RPTOR: variants seen among roughly 807,000 people sequenced by gnomAD.
RPTOR encodes regulatory-associated protein of mTOR.
In RPTOR, 21 loss-of-function variants were observed where a neutral mutation model predicts 169.9. The observed-to-expected ratio is 0.12, with a 90% CI of 0.09 to 0.18. The LOEUF is 0.18. Among genes scored for constraint, RPTOR ranks in the 10% least tolerant of loss-of-function variants. RPTOR has a pLI of 1.00. For missense variants in RPTOR, 1,133 were observed against 1,855.9 expected (o/e 0.61, Z 7.16); for synonymous variants, 732 against 753.2 (o/e 0.97, Z 0.46).
chr17:80,661,856 C>G (rs9913012), intron 3 of RPTOR, among the ~76,000 whole-genome samples: 4,853 of 152,140 alleles, frequency 0.032, 259 homozygotes, highest in African/African-American at 0.11. Flanking sequence ...GGCATTTGGA[C>G]CCTGCACCGC....
At chr17:80,669,947 T>C (rs1341889861) in intron 3 of RPTOR, among the ~76,000 whole-genome samples, 3 of 152,264 alleles carry the variant, frequency 2.0e-5, no homozygotes, top group Admixed American at 2.0e-4. Context: ...AAATTGTGTA[T>C]TTGAGACAGT....
chr17:80,757,824 C>T (rs991502000), intron 6 of RPTOR, among the ~76,000 whole-genome samples: 2 of 152,132 alleles, frequency 1.3e-5, no homozygotes, highest in African/African-American at 4.8e-5. Context: ...CCACGGCCTC[C>T]TATGCGCCCC....
At chr17:80,546,408 G>T (rs550198346) in intron 1 of RPTOR, among the ~76,000 whole-genome samples, 11 of 152,134 alleles carry the variant, frequency 7.2e-5, no homozygotes, top group Non-Finnish European at 1.5e-4. Context: ...GGTATGAGGC[G>T]TCGAGACTTG....
chr17:80,900,486 T>C (rs564247616), intron 20 of RPTOR, among the ~76,000 whole-genome samples: 3 of 152,234 alleles, frequency 2.0e-5, no homozygotes, highest in Non-Finnish European at 4.4e-5. Flanking sequence ...CTGGCTAATT[T>C]TGTACTTTTA....
intron 10 of RPTOR, 38 bp downstream of exon 10, chr17:80,838,035 G>A (rs758925525): frequency 6.4e-7 from 1 of 1,553,628 alleles, no homozygotes. Context: ...ATCCGCGGCG[G>A]CAGCCACTTC....
At position 80,947,445 on chromosome 17, in the gene RPTOR, T is replaced by C; in HGVS notation, c.3265+94T>C. 7.1e-7 allele frequency: 1 copy of C among 1,405,168 alleles called. No homozygotes were observed. The highest frequency in any genetic ancestry group is 9.3e-7 in the Non-Finnish European group (1 of 1,073,986). 87.0% of individuals were successfully genotyped at this position (1,405,168 alleles called of 1,614,324 possible). ...CCTGAGATGTGTTTGTACATCTGTC[T>C]TACAGAAAGCCCTGCTCACACGCGA... On this transcript the variant is annotated intron_variant, in intron 27 of 33. Transcript: ENST00000306801. The surrounding 1 kb of genome is among the most constrained non-coding windows in gnomAD (Gnocchi z 4.4).
chr17:80,733,003 G>A (rs1440670992), intron 5 of RPTOR, among the ~76,000 whole-genome samples: 3 of 152,172 alleles, frequency 2.0e-5, no homozygotes, highest in African/African-American at 7.2e-5. Flanking sequence ...GCAAGAAAAT[G>A]GTTATTTGGA....
intron 3 of RPTOR, among the ~76,000 whole-genome samples, chr17:80,665,366 TCC>T (rs2065758388): frequency 3.3e-4 from 2 of 6,146 alleles, no homozygotes; most frequent in Admixed American, 2.1e-3. Flanking sequence ...TCCTTTCCTT[TCC>T]TTTCCTTTCC....
intron 1 of RPTOR, among the ~76,000 whole-genome samples, chr17:80,613,544 C>T (rs1034209844): frequency 1.3e-5 from 2 of 152,244 alleles, no homozygotes; most frequent in Non-Finnish European, 2.9e-5. Context: ...CAAGAACTAA[C>T]AGGACACAGG....
At chr17:80,955,412 T>C (rs940289560) in intron 28 of RPTOR, among the ~76,000 whole-genome samples, 6 of 152,190 alleles carry the variant, frequency 3.9e-5, no homozygotes, top group African/African-American at 1.2e-4. Flanking sequence ...CCTCACACCA[T>C]GCACAAAACA....
intron 5 of RPTOR, among the ~76,000 whole-genome samples, chr17:80,753,526 G>A (rs112714397): frequency 0.053 from 7,962 of 150,922 alleles, 265 homozygotes; most frequent in Non-Finnish European, 0.079. Flanking sequence ...CCAGCTACTC[G>A]GGAGGCTGAG....
At chr17:80,863,505 T>C (rs907060516) in intron 13 of RPTOR, among the ~76,000 whole-genome samples, 2 of 152,156 alleles carry the variant, frequency 1.3e-5, no homozygotes, top group South Asian at 4.1e-4. Context: ...AAAAGTTAAA[T>C]TGAGACACGG....
At chr17:80,716,834 C>T (rs780229573) in intron 4 of RPTOR, among the ~76,000 whole-genome samples, 18 of 152,036 alleles carry the variant, frequency 1.2e-4, no homozygotes, top group Admixed American at 2.0e-4. Context: ...GTGTCTTTTC[C>T]CCACTTTATG....
At chr17:80,743,925 AGAGCC>A (rs1567887761) in intron 5 of RPTOR, among the ~76,000 whole-genome samples, 3 of 70,584 alleles carry the variant, frequency 4.3e-5, no homozygotes, top group African/African-American at 7.0e-5. Context: ...GGTTACTAGC[AGAGCC>A]CTGGTTACTA....
chr17:80,937,014 C>G (rs991762552), intron 24 of RPTOR, among the ~76,000 whole-genome samples: 4 of 152,246 alleles, frequency 2.6e-5, no homozygotes, highest in Non-Finnish European at 5.9e-5. Flanking sequence ...TCTGCTGCCT[C>G]TGTCCACGGA....
At chr17:80,963,449 C>G (rs71370203) in intron 33 of RPTOR, among the ~76,000 whole-genome samples, 9,507 of 25,966 alleles carry the variant, frequency 0.37, 1,666 homozygotes, top group East Asian at 0.53. Context: ...CCCGTCCCCT[C>G]TGCGGCCCTC....
At chr17:80,815,701 G>A (rs761929599) in intron 7 of RPTOR, among the ~76,000 whole-genome samples, 6 of 152,234 alleles carry the variant, frequency 3.9e-5, no homozygotes, top group Admixed American at 6.5e-5. Context: ...GAACAATGGC[G>A]GGTAATAAAA....
At chr17:80,665,963 C>T (rs541144103) in intron 3 of RPTOR, among the ~76,000 whole-genome samples, 5 of 152,300 alleles carry the variant, frequency 3.3e-5, no homozygotes, top group South Asian at 2.1e-4. Flanking sequence ...GTATCTCTCC[C>T]TCCCATCTGC....
In RPTOR at chr17:80,545,663, G is replaced by T. The variant is rs1228533870; in HGVS notation, c.34G>T (p.Gly12Cys). 1 of 1,613,294 alleles carries T rather than the reference G, an allele frequency of 6.2e-7. No individual in the cohort carries two copies. Among genetic ancestry groups the T allele is most frequent in the Non-Finnish European group, 8.5e-7 (1 of 1,179,642 alleles). The change falls in exon 1 of 34, where the codon GGC (glycine) becomes TGC (cysteine). Residue 12 changes from glycine (G) to cysteine (C), a missense_variant. Physicochemically the swap from Gly to Cys is radical, Grantham distance 159. Coordinates refer to ENST00000306801, the MANE Select transcript of RPTOR (RefSeq NM_020761.3). ...CGAAATGCTGCAATCGCCTCTTCTGGGCCTGGGGGAGGAAGATGAGGCTGA... is the reference window on the plus strand; with the variant it reads ...CGAAATGCTGCAATCGCCTCTTCTGTGCCTGGGGGAGGAAGATGAGGCTGA... ...ESEMLQSPLL[G>C]LGEEDEADLT...
Sources: allele counts gnomAD v4.1 joint callset (sites outside exome capture counted in the v4.1 genomes callset), GRCh38; gene constraint gnomAD v4.1.1; non-coding constraint Gnocchi (gnomAD v3.1); transcripts MANE v1.5; gene names NCBI Gene and HGNC (gene_info 2026-07-23, HGNC 2026-07-21).